Variants in KCNH7 observed in about 807,000 individuals in gnomAD.
The protein encoded by KCNH7 is voltage-gated inwardly rectifying potassium channel KCNH7.
KCNH7 carries 49 observed loss-of-function variants against 120.8 expected under a neutral mutation model. That is an observed-to-expected ratio of 0.41 (90% CI 0.32 to 0.51). KCNH7 has a LOEUF of 0.51. Among genes scored for constraint, KCNH7 ranks in the 20% least tolerant of loss-of-function variants. The pLI is 0.38. For missense variants in KCNH7, 1,097 were observed against 1,446.6 expected (o/e 0.76, Z 3.92); for synonymous variants, 547 against 516.1 (o/e 1.06, Z -0.81).
At chr2:162,746,729 A>C (rs970564769) in intron 2 of KCNH7, among the ~76,000 whole-genome samples, 2 of 152,192 alleles carry the variant, frequency 1.3e-5, no homozygotes, top group African/African-American at 4.8e-5. Context: ...ACTATGAGTA[A>C]ATCATCTTTG....
At position 162,657,797 on chromosome 2, in the gene KCNH7, C is replaced by T. The variant is rs540198115; in HGVS notation, c.308-120717G>A. On this transcript the variant is annotated intron_variant, in intron 2 of 15. Coordinates refer to ENST00000332142, the MANE Select transcript of KCNH7 (RefSeq NM_033272.4). ...CATTTTCCATTCTCATTTAGGTTTA[C>T]GATCTCCACAGTAATTAATTCAAAA... is the stretch of plus-strand genomic sequence containing the variant. 2.5e-4 allele frequency among the ~76,000 whole-genome samples: 38 copies of T among 151,788 alleles called. 1 individual carries two copies. Among genetic ancestry groups the T allele is most frequent in the Admixed American group, 1.4e-3 (21 of 15,240 alleles).
At chr2:162,822,549 T>C (rs1462964155) in intron 2 of KCNH7, among the ~76,000 whole-genome samples, 2 of 151,832 alleles carry the variant, frequency 1.3e-5, no homozygotes, top group African/African-American at 2.4e-5. Context: ...GCTCCCTCCT[T>C]ATCATCCCTT....
rs1017265334 is a variant in KCNH7 at position 162,435,178 on chromosome 2, C to A, written c.1954+20G>T. On this transcript the variant is annotated intron_variant, in intron 8 of 15. Transcript: ENST00000332142. ...GGTATTATTCTATCCTAATAGACAACAGAAGAGAAAGCTACTTACAGCCAA... is the reference window on the plus strand; with the variant it reads ...GGTATTATTCTATCCTAATAGACAAAAGAAGAGAAAGCTACTTACAGCCAA... 6.9e-6 allele frequency: 11 copies of A among 1,596,284 alleles called. No individual in the cohort carries two copies. The African/African-American group carries it at 1.1e-4, about 16-fold the overall frequency.
Position 162,542,931 on chromosome 2 carries a change from A to G in KCNH7, c.308-5851T>C, listed in dbSNP as rs139606491. On this transcript the variant is annotated intron_variant, in intron 2 of 15. Transcript: ENST00000332142. Reference sequence around the variant, plus strand: ...GCACCTGTTGTTTCCTGACTTTTTAATGATTTCTATAACTCTTATGCAAAA... The same window carrying G: ...GCACCTGTTGTTTCCTGACTTTTTAGTGATTTCTATAACTCTTATGCAAAA... Among the ~76,000 whole-genome samples, 1,055 of 152,124 alleles carry G rather than the reference A, an allele frequency of 6.9e-3. 2 individuals carry two copies. Among genetic ancestry groups the G allele is most frequent in the Non-Finnish European group, 0.011 (780 of 67,978 alleles).
intron 2 of KCNH7, among the ~76,000 whole-genome samples, chr2:162,555,195 T>C (rs1692813820): frequency 6.6e-6 from 1 of 152,186 alleles, no homozygotes; most frequent in African/African-American, 2.4e-5. Context: ...AAGGATGATA[T>C]ATTTATTTGG....
At chr2:162,456,079 T>C (rs2080603) in intron 6 of KCNH7, among the ~76,000 whole-genome samples, 11,198 of 152,138 alleles carry the variant, frequency 0.074, 1,311 homozygotes, top group African/African-American at 0.25. Context: ...CAATTAGTGC[T>C]ATAAATTTCC....
intron 2 of KCNH7, among the ~76,000 whole-genome samples, chr2:162,541,158 T>C (rs1237751913): frequency 6.6e-6 from 1 of 152,056 alleles, no homozygotes. Context: ...AGTGGAGATG[T>C]TGAGAAGGTA....
chr2:162,820,920 T>C (rs1573929766), intron 2 of KCNH7, among the ~76,000 whole-genome samples: 1 of 38,224 alleles, frequency 2.6e-5, no homozygotes, highest in South Asian at 2.4e-3. Flanking sequence ...TAATTCATTA[T>C]TTTTTATTGT....
chr2:162,426,665 C>T (rs1687875072), intron 8 of KCNH7, among the ~76,000 whole-genome samples: 2 of 152,042 alleles, frequency 1.3e-5, no homozygotes, highest in Admixed American at 6.6e-5. Context: ...GACAAATACA[C>T]CTGCATTTCT....
chr2:162,521,551 C>T (rs1004764807), intron 3 of KCNH7, among the ~76,000 whole-genome samples: 13 of 151,966 alleles, frequency 8.6e-5, no homozygotes, highest in African/African-American at 3.1e-4. Context: ...TATAAGCTTT[C>T]ATTTGTGGTC....
At chr2:162,554,078 C>T (rs975973883) in intron 2 of KCNH7, among the ~76,000 whole-genome samples, 3 of 152,152 alleles carry the variant, frequency 2.0e-5, no homozygotes, top group East Asian at 1.9e-4. Flanking sequence ...CTAATGTTTA[C>T]AGGGAACAAA....
chr2:162,756,045 AT>A (rs1409290717), intron 2 of KCNH7, among the ~76,000 whole-genome samples: 1 of 152,208 alleles, frequency 6.6e-6, no homozygotes. Context: ...TTCTACTCTA[AT>A]TATGTTGACT....
rs1399342110 is a variant in KCNH7, at chr2:162,605,992, T to C, written c.308-68912A>G. The stretch of plus-strand genomic sequence containing the variant: ...TATGCCAAGACTTTTTGTATTTTTA[T>C]GTTAGTATATTAGGGGGATGTATTG... On this transcript the variant is annotated intron_variant, in intron 2 of 15. Transcript: ENST00000332142. 3.3e-5 allele frequency among the ~76,000 whole-genome samples: 5 copies of C among 152,258 alleles called. No individual in the cohort carries two copies. The East Asian group carries it at 9.6e-4, about 29-fold the overall frequency.
chr2:162,462,818 G>T (rs1338658458), intron 6 of KCNH7, among the ~76,000 whole-genome samples: 1 of 151,762 alleles, frequency 6.6e-6, no homozygotes, highest in Non-Finnish European at 1.5e-5. Context: ...AGCCTGATTT[G>T]GTCATTCCAC....
intron 2 of KCNH7, among the ~76,000 whole-genome samples, chr2:162,751,603 T>C (rs1339893047): frequency 6.6e-6 from 1 of 151,776 alleles, no homozygotes. Context: ...TAAAAACTCA[T>C]AATTGATATG....
intron 3 of KCNH7, among the ~76,000 whole-genome samples, chr2:162,535,237 C>A (rs1692067252): frequency 6.6e-6 from 1 of 151,566 alleles, no homozygotes; most frequent in African/African-American, 2.4e-5. Context: ...TAATAGCCAG[C>A]ACATTTTGAC....
At chr2:162,811,237 T>A (rs897519175) in intron 2 of KCNH7, among the ~76,000 whole-genome samples, 3 of 152,260 alleles carry the variant, frequency 2.0e-5, no homozygotes, top group East Asian at 1.9e-4. Context: ...ACATAAATTT[T>A]AAAAAATCTG....
At chr2:162,738,793 T>C (rs13412512) in intron 2 of KCNH7, among the ~76,000 whole-genome samples, 21,040 of 152,194 alleles carry the variant, frequency 0.14, 1,659 homozygotes, top group East Asian at 0.35. Flanking sequence ...AAAACAGCAT[T>C]TAATACATTG....
intron 6 of KCNH7, among the ~76,000 whole-genome samples, chr2:162,482,603 A>T (rs1246644749): frequency 2.0e-5 from 3 of 152,194 alleles, no homozygotes; most frequent in Non-Finnish European, 2.9e-5. Flanking sequence ...CTAGCACTTT[A>T]AAAAAGTTAT....
Sources: allele counts gnomAD v4.1 joint callset (sites outside exome capture counted in the v4.1 genomes callset), GRCh38; gene constraint gnomAD v4.1.1; transcripts MANE v1.5; gene names NCBI Gene and HGNC (gene_info 2026-07-23, HGNC 2026-07-21).